STX18: variants seen among roughly 807,000 people sequenced by gnomAD.
The protein encoded by STX18 is syntaxin 18.
In STX18, 40 loss-of-function variants were observed where a neutral mutation model predicts 50.1. That is an observed-to-expected ratio of 0.80 (90% CI 0.62 to 1.04). STX18 has a LOEUF of 1.04. STX18 is among the 50% of genes least tolerant of loss of function. STX18 has a pLI of 0.00. For missense variants in STX18, 410 were observed against 415.8 expected, an observed-to-expected ratio of 0.99 and a Z score of 0.12; for synonymous variants, 158 against 151.8, an observed-to-expected ratio of 1.04 and a Z score of -0.30.
chr4:4,429,136 A>C (rs1009497761), intron 7 of STX18, among the ~76,000 whole-genome samples: 6 of 152,156 alleles, frequency 3.9e-5, no homozygotes, highest in African/African-American at 1.4e-4. Context: ...TGGTGACTTA[A>C]GCTCTCTGTA....
intron 5 of STX18, among the ~76,000 whole-genome samples, chr4:4,446,642 T>A (rs1408614243): frequency 1.3e-5 from 2 of 152,170 alleles, no homozygotes; most frequent in African/African-American, 4.8e-5. Context: ...CTAGAAAAAA[T>A]GGCCAATGCC....
chr4:4,461,745 C>G (rs1727387467), intron 2 of STX18, among the ~76,000 whole-genome samples: 1 of 152,198 alleles, frequency 6.6e-6, no homozygotes, highest in Non-Finnish European at 1.5e-5. Context: ...ACCTGGGCTA[C>G]CGGGGGGAAT....
intron 5 of STX18, among the ~76,000 whole-genome samples, chr4:4,455,860 T>G (rs1022453776): frequency 1.3e-5 from 2 of 152,232 alleles, no homozygotes; most frequent in African/African-American, 4.8e-5. Flanking sequence ...TTTCCTTTGC[T>G]GTTTTGCTTC....
At chr4:4,467,684 G>C (rs1263348227) in intron 2 of STX18, among the ~76,000 whole-genome samples, 1 of 131,122 alleles carries the variant, frequency 7.6e-6, no homozygotes, top group Admixed American at 9.1e-5. Flanking sequence ...TGAATAACTG[G>C]TGCTTATCAG....
chr4:4,440,734 T>C (rs28633440), intron 5 of STX18, among the ~76,000 whole-genome samples: 21,815 of 152,216 alleles, frequency 0.14, 1,635 homozygotes, highest in African/African-American at 0.17. Flanking sequence ...ATTTAGGAAA[T>C]GGTCCTCTAC....
At chr4:4,510,419 T>A (rs1203784587) in intron 1 of STX18, among the ~76,000 whole-genome samples, 1 of 152,236 alleles carries the variant, frequency 6.6e-6, no homozygotes, top group Non-Finnish European at 1.5e-5. Context: ...CAGATCCTCC[T>A]TGTCAAGTTA....
rs2108819163 is a variant in STX18 at position 4,459,457 on chromosome 4, T to G, written c.267A>C (p.Thr89=). Reference sequence around the variant, plus strand: ...GGTCTATCTGGTCTCGTTCTGTGTCTGTCATCCTCCCATATTCAGACATGG... The same window carrying G: ...GGTCTATCTGGTCTCGTTCTGTGTCGGTCATCCTCCCATATTCAGACATGG... ...SHTMSEYGRM[T]DTERDQIDQD... The change falls in exon 3 of 11, where the codon ACA becomes ACC. Residue 89 remains threonine, a synonymous_variant. Coordinates refer to ENST00000306200, the MANE Select transcript of STX18 (RefSeq NM_016930.4). The G allele has an allele frequency of 6.2e-7, 1 of 1,614,100 alleles. No individual in the cohort carries two copies.
At position 4,434,835 on chromosome 4, in the gene STX18, G is replaced by A; in HGVS notation, c.637C>T (p.Pro213Ser). 1 of 1,600,532 alleles carries A rather than the reference G, an allele frequency of 6.2e-7. No homozygotes were observed. The highest frequency in any genetic ancestry group is 8.5e-7 in the Non-Finnish European group (1 of 1,176,264). ...CCATCTCCCCACGTTCCCAATTCAGGTTGTGTTTCAGCCAAAATTTTTTCT... is the reference window on the plus strand; with the variant it reads ...CCATCTCCCCACGTTCCCAATTCAGATTGTGTTTCAGCCAAAATTTTTTCT... Reference protein sequence around the residue: ...RPEKILAETQPELGTWGDGKG... With the variant: ...RPEKILAETQSELGTWGDGKG... Residue 213 changes from proline (P) to serine (S), a missense_variant, in exon 7 of 11, where the codon CCT becomes TCT. Coordinates refer to ENST00000306200, the MANE Select transcript of STX18 (RefSeq NM_016930.4).
chr4:4,475,984 T>C (rs1020709903), intron 1 of STX18: 1 of 152,170 alleles, frequency 6.6e-6, no homozygotes, highest in African/African-American at 2.4e-5. Flanking sequence ...CTTAATATGA[T>C]AAAGTAGGAA....
In STX18 at chr4:4,447,330, C is replaced by T. The variant is rs769924661; in HGVS notation, c.498-8821G>A. 6.5e-4 allele frequency among the ~76,000 whole-genome samples: 99 copies of T among 152,138 alleles called. 1 individual carries two copies. The highest frequency in any genetic ancestry group is 1.1e-3 in the Non-Finnish European group (78 of 68,006). ...CTGGGCCGGGCGCGGTGGCTCACGC[C>T]TGTAATCCCAGCACTTTGCGAGGCC... On this transcript the variant is annotated intron_variant, in intron 5 of 10. Coordinates refer to ENST00000306200, the MANE Select transcript of STX18 (RefSeq NM_016930.4).
intron 1 of STX18, among the ~76,000 whole-genome samples, chr4:4,511,566 G>C (rs569919406): frequency 6.6e-6 from 1 of 152,252 alleles, no homozygotes; most frequent in East Asian, 1.9e-4. Flanking sequence ...CAGTCTAGAA[G>C]TAGCTATTTG....
intron 1 of STX18, chr4:4,507,852 G>C (rs1387524948): frequency 4.7e-6 from 3 of 632,080 alleles, no homozygotes; most frequent in African/African-American, 3.8e-5. Context: ...AAAAGCGGCA[G>C]CTAGCTAGAA....
intron 5 of STX18, among the ~76,000 whole-genome samples, chr4:4,440,449 C>T (rs1213230048): frequency 6.6e-6 from 1 of 152,192 alleles, no homozygotes; most frequent in African/African-American, 2.4e-5. Context: ...TGGGACATGA[C>T]CTCAGGGAAC....
chr4:4,507,088 T>C, intron 1 of STX18: 1 of 537,782 alleles, frequency 1.9e-6, no homozygotes, highest in Non-Finnish European at 3.6e-6. Flanking sequence ...CCATGTTCAG[T>C]TGGAGCGCCA....
At position 4,541,776 on chromosome 4, in the gene STX18, T is replaced by A. The variant is rs1731610545; in HGVS notation, c.168+21A>T. 3 of 1,594,598 alleles carry A rather than the reference T, an allele frequency of 1.9e-6. No homozygotes were observed. In the East Asian group the frequency reaches 6.8e-5, roughly 36 times the overall value. ...GGACTGCCCCCTCCTCAACCCGCCG[T>A]TTCCATAGCAACCAGCTCACCACTT... On this transcript the variant is annotated intron_variant, in intron 1 of 10. Transcript: ENST00000306200.
intron 1 of STX18, among the ~76,000 whole-genome samples, chr4:4,535,153 C>T (rs1248275447): frequency 2.0e-5 from 3 of 152,228 alleles, no homozygotes; most frequent in African/African-American, 7.2e-5. Flanking sequence ...GAGGTTTCCA[C>T]TGATTCTCCC....
chr4:4,541,929 G>A lies in STX18; in HGVS notation c.36C>T (p.Ser12=), dbSNP rs1252372996. ...TGTTCCGCGTCTTCACGGTCTTGAC[G>A]CTGGCCCGGAATAGCAGCGTGATGT... The part of the protein sequence containing the change: ...AVDITLLFRA[S]VKTVKTRNKA... Residue 12 remains serine (S), a synonymous_variant, in exon 1 of 11, where the codon AGC becomes AGT. Coordinates refer to ENST00000306200, the MANE Select transcript of STX18 (RefSeq NM_016930.4). 1.9e-6 allele frequency: 3 copies of A among 1,608,828 alleles called. No homozygotes were observed. Among genetic ancestry groups the A allele is most frequent in the Non-Finnish European group, 2.5e-6 (3 of 1,178,276 alleles).
chr4:4,514,093 T>C (rs1046145416), intron 1 of STX18, among the ~76,000 whole-genome samples: 7 of 152,190 alleles, frequency 4.6e-5, no homozygotes, highest in African/African-American at 1.7e-4. Context: ...CCAGGACTTG[T>C]ATATCATGGC....
intron 7 of STX18, chr4:4,425,533 G>A (rs1015995936): frequency 2.6e-5 from 13 of 492,852 alleles, no homozygotes; most frequent in Non-Finnish European, 4.0e-5. Flanking sequence ...GGGATCCCAC[G>A]GCCTGCTTCC....
Sources: gnomAD v4.1 joint callset for allele counts (sites outside exome capture counted in the v4.1 genomes callset) on GRCh38, gnomAD v4.1.1 for gene constraint, MANE v1.5 for transcripts, NCBI Gene and HGNC (gene_info 2026-07-23, HGNC 2026-07-21) for gene names.